Variants in RPL24 observed in about 807,000 individuals in gnomAD.
RPL24 encodes large ribosomal subunit protein eL24.
A neutral mutation model predicts 26.4 loss-of-function variants in RPL24; 7 were observed. That is an observed-to-expected ratio of 0.27 (90% CI 0.15 to 0.50). The LOEUF (loss-of-function observed/expected upper bound fraction) is 0.50. Ranked by LOEUF, RPL24 falls within the 20% of genes least tolerant of loss-of-function variation. The pLI, the probability that RPL24 is intolerant of heterozygous loss-of-function variation, is 0.98. For missense variants in RPL24, 109 were observed against 194.9 expected (o/e 0.56, Z 2.62); for synonymous variants, 67 against 65.2 (o/e 1.03, Z -0.13).
At chr3:101,683,922 G>A (rs1200799886) in intron 3 of RPL24, among the ~76,000 whole-genome samples, 1 of 151,984 alleles carries the variant, frequency 6.6e-6, no homozygotes, top group East Asian at 1.9e-4. Context: ...ATGTTGCCCA[G>A]GCTGGTCTCT....
intron 2 of RPL24, 90 bp downstream of exon 2, chr3:101,686,392 A>G (rs1285128906): frequency 6.6e-6 from 7 of 1,066,292 alleles, no homozygotes; most frequent in Non-Finnish European, 9.6e-6. Flanking sequence ...GCCAGTGGTG[A>G]TGTGGGGAAT....
intron 4 of RPL24, 85 bp from the exon 5 acceptor site, chr3:101,682,577 G>A (rs1194483311): frequency 5.8e-6 from 7 of 1,213,338 alleles, no homozygotes; most frequent in Non-Finnish European, 8.4e-6. Context: ...TACTGGACAA[G>A]TACAATGACC....
At chr3:101,686,402 T>TA in intron 2 of RPL24, 80 bp downstream of exon 2, 1 of 1,282,650 alleles carries the variant, frequency 7.8e-7, no homozygotes, top group Non-Finnish European at 1.1e-6. Context: ...ATGTGGGGAA[T>TA]AAACCCGCCT....
chr3:101,682,339 C>A, intron 5 of RPL24, 90 bp downstream of exon 5: 1 of 1,022,396 alleles, frequency 9.8e-7, no homozygotes, highest in South Asian at 1.3e-5. Context: ...CCACTGCACC[C>A]CATCCTGGGC....
intron 5 of RPL24, 181 bp downstream of exon 5, chr3:101,682,248 C>G: frequency 3.3e-6 from 2 of 606,416 alleles, no homozygotes; most frequent in South Asian, 3.9e-5. Context: ...CACCTGTACT[C>G]CCAGCTACTC....
Position 101,685,841 on chromosome 3 carries a change from T to G in RPL24, c.169A>C (p.Arg57=). The change falls in exon 3 of 6, where the codon AGG becomes CGG. Residue 57 remains arginine, a synonymous_variant. Transcript: ENST00000394077. The part of the protein sequence containing the change: ...RQINWTVLYR[R]KHKKGQSEEI... ...ACCGACTGTCCCTTTTTGTGCTTCCTTCTGTAGAGGACAGTCCAGTTTATC... is the reference window on the plus strand; with the variant it reads ...ACCGACTGTCCCTTTTTGTGCTTCCGTCTGTAGAGGACAGTCCAGTTTATC... 3 of 1,610,746 alleles carry G rather than the reference T, an allele frequency of 1.9e-6. No individual in the cohort carries two copies. Among genetic ancestry groups the G allele is most frequent in the Middle Eastern group, 1.7e-4 (1 of 6,018 alleles).
chr3:101,682,684 A>C (rs1281105988), intron 4 of RPL24, 87 bp downstream of exon 4: 1 of 1,337,390 alleles, frequency 7.5e-7, no homozygotes, highest in African/African-American at 1.5e-5. Context: ...AACATATATT[A>C]ATCTATATGG....
chr3:101,686,457 A>T (rs762379984), intron 2 of RPL24, 25 bp downstream of exon 2: 1 of 1,605,892 alleles, frequency 6.2e-7, no homozygotes, highest in East Asian at 2.2e-5. Context: ...ACAAGAAGGT[A>T]GGTGAAGCCG....
In RPL24 at chr3:101,686,716, A is replaced by G. The variant is rs1036938404; in HGVS notation, c.-40T>C. 1.9e-6 allele frequency: 3 copies of G among 1,613,816 alleles called. No homozygotes were observed. Among genetic ancestry groups the G allele is most frequent in the Non-Finnish European group, 2.5e-6 (3 of 1,179,888 alleles). ...GGAAAGACAAAAGATGGCGAAAAGA[A>G]AGAGAGAATCATGGGAAGAGACCTT... is the stretch of plus-strand genomic sequence containing the variant. On this transcript the variant is annotated 5_prime_UTR_variant, in exon 1 of 6. Transcript: ENST00000394077.
chr3:101,685,382 T>G (rs139047360), intron 3 of RPL24, among the ~76,000 whole-genome samples: 1 of 152,216 alleles, frequency 6.6e-6, no homozygotes, highest in African/African-American at 2.4e-5. Flanking sequence ...CTTTTTCTCA[T>G]GTATAACCCA....
intron 5 of RPL24, chr3:101,681,513 T>G: frequency 3.1e-6 from 1 of 319,482 alleles, no homozygotes; most frequent in Non-Finnish European, 5.9e-6. Context: ...AACAGTACAG[T>G]GTTTACTCAG....
At chr3:101,686,391 G>A (rs1243354691) in intron 2 of RPL24, 91 bp downstream of exon 2, 4 of 1,061,882 alleles carry the variant, frequency 3.8e-6, no homozygotes, top group Admixed American at 2.4e-5. Context: ...GGCCAGTGGT[G>A]ATGTGGGGAA....
In RPL24 at chr3:101,682,439, G is replaced by A; in HGVS notation, c.383C>T (p.Ala128Val). The A allele has an allele frequency of 6.2e-7, 1 of 1,612,590 alleles. No individual in the cohort carries two copies. The highest frequency in any genetic ancestry group is 8.5e-7 in the Non-Finnish European group (1 of 1,178,578). The change falls in exon 5 of 6, where the codon GCT becomes GTT. Residue 128 changes from alanine (A) to valine (V), a missense_variant. Physicochemically the swap from Ala to Val is moderately conservative, Grantham distance 64. Transcript: ENST00000394077. ...AKQASKKTAMAAAKAPTKAAP... is the reference protein window; with the variant it reads ...AKQASKKTAMVAAKAPTKAAP... Reference sequence around the variant, plus strand: ...AAACCCCATAATTACCTTAGCAGCAGCCATTGCAGTCTTTTTAGATGCTTG... The same window carrying A: ...AAACCCCATAATTACCTTAGCAGCAACCATTGCAGTCTTTTTAGATGCTTG...
chr3:101,685,976 A>C (rs749549083), intron 2 of RPL24, 48 bp from the exon 3 acceptor site: 8 of 1,216,824 alleles, frequency 6.6e-6, no homozygotes, highest in Non-Finnish European at 8.5e-6. Context: ...TACAAAGTAC[A>C]AGAGGCTGAG....
intron 4 of RPL24, 74 bp downstream of exon 4, chr3:101,682,697 A>C: frequency 7.7e-6 from 11 of 1,433,392 alleles, no homozygotes; most frequent in Non-Finnish European, 3.9e-6. Context: ...CTATATGGTA[A>C]CTTTAATTAC....
intron 3 of RPL24, among the ~76,000 whole-genome samples, chr3:101,684,138 C>T (rs1480251237): frequency 1.3e-5 from 2 of 151,486 alleles, no homozygotes; most frequent in Middle Eastern, 3.2e-3. Context: ...GAATTACAGG[C>T]GTGAGGCACT....
intron 4 of RPL24, 64 bp downstream of exon 4, chr3:101,682,707 C>CCCA: frequency 9.9e-6 from 15 of 1,509,466 alleles, no homozygotes; most frequent in Non-Finnish European, 1.4e-5. Flanking sequence ...ACTTTAATTA[C>CCCA]TGAAGACCCA....
chr3:101,683,624 T>C (rs2108338866), intron 3 of RPL24, among the ~76,000 whole-genome samples: 1 of 152,298 alleles, frequency 6.6e-6, no homozygotes, highest in East Asian at 1.9e-4. Context: ...TTTAATATTC[T>C]TGTCTCAAAC....
chr3:101,685,968 C>T (rs781758618), intron 2 of RPL24, 40 bp from the exon 3 acceptor site: 1 of 1,302,812 alleles, frequency 7.7e-7, no homozygotes, highest in Non-Finnish European at 1.1e-6. Flanking sequence ...TTTAACTATA[C>T]AAAGTACAAG....
Sources: allele counts gnomAD v4.1 joint callset (sites outside exome capture counted in the v4.1 genomes callset), GRCh38; gene constraint gnomAD v4.1.1; transcripts MANE v1.5; gene names NCBI Gene and HGNC (gene_info 2026-07-23, HGNC 2026-07-21).